The following CAMTA1 variants were observed in gnomAD, a reference collection of about 807,000 sequenced individuals.
CAMTA1 encodes the protein calmodulin binding transcription activator 1.
In CAMTA1, 27 loss-of-function variants were observed where a neutral mutation model predicts 170.9. The observed-to-expected ratio is 0.16, with a 90% CI of 0.12 to 0.22. The LOEUF (loss-of-function observed/expected upper bound fraction) is 0.22. Among genes scored for constraint, CAMTA1 ranks in the 10% least tolerant of loss-of-function variants. CAMTA1 has a pLI of 1.00. For synonymous variants in CAMTA1, 833 were observed against 891.5 expected, an observed-to-expected ratio of 0.93 and a Z score of 1.17; for missense variants, 1,619 against 2,217.2, an observed-to-expected ratio of 0.73 and a Z score of 5.42.
At chr1:6,786,565 G>A (rs547176425) in intron 1 of CAMTA1, among the ~76,000 whole-genome samples, 3 of 152,270 alleles carry the variant, frequency 2.0e-5, no homozygotes, top group Admixed American at 1.3e-4. Flanking sequence ...TGGATAGTGG[G>A]GGCTTGTGCA....
chr1:6,880,976 A>G (rs1042820184), intron 3 of CAMTA1, among the ~76,000 whole-genome samples: 3 of 152,194 alleles, frequency 2.0e-5, no homozygotes, highest in African/African-American at 7.2e-5. Flanking sequence ...GCGTGCTTAT[A>G]TATGCCAATT....
intron 3 of CAMTA1, among the ~76,000 whole-genome samples, chr1:6,867,877 T>G (rs1350064076): frequency 6.6e-6 from 1 of 152,136 alleles, no homozygotes; most frequent in East Asian, 1.9e-4. Flanking sequence ...TGGCACAGTC[T>G]CAGCTCACTG....
In CAMTA1 at chr1:7,561,588, A is replaced by G. The variant is rs1206693445; in HGVS notation, c.511-78812A>G. 6.6e-6 allele frequency among the ~76,000 whole-genome samples: 1 copy of G among 151,724 alleles called. No individual in the cohort carries two copies. Among genetic ancestry groups the G allele is most frequent in the Non-Finnish European group, 1.5e-5 (1 of 67,922 alleles). ...TGGGCTGGTTCAGGGAGGAGGGGAG[A>G]CTGTGGGCGGCTTGCGCAGCACCCT... On this transcript the variant is annotated intron_variant, in intron 6 of 22. Transcript: ENST00000303635. This position sits in a 1 kb window ranked among gnomAD's most constrained non-coding sequence, Gnocchi z 5.3.
chr1:6,785,905 G>A (rs1353626638), intron 1 of CAMTA1, among the ~76,000 whole-genome samples: 1 of 148,820 alleles, frequency 6.7e-6, no homozygotes, highest in Non-Finnish European at 1.5e-5. Flanking sequence ...TCCCCCACCC[G>A]GACCGGGCAT....
intron 5 of CAMTA1, among the ~76,000 whole-genome samples, chr1:7,416,949 C>G (rs1213352284): frequency 1.3e-5 from 2 of 152,124 alleles, no homozygotes; most frequent in South Asian, 2.1e-4. Context: ...TGTGGATGTC[C>G]TTTCTGTTTG....
intron 3 of CAMTA1, among the ~76,000 whole-genome samples, chr1:6,841,693 G>A (rs1655782443): frequency 6.6e-6 from 1 of 152,210 alleles, no homozygotes; most frequent in Non-Finnish European, 1.5e-5. Context: ...AGGGACGACT[G>A]CTGGAAGGAA....
rs529181063 is a variant in CAMTA1, at chr1:7,537,191, G to A, written c.510+69290G>A. Among the ~76,000 whole-genome samples, 5 of 152,316 alleles carry A rather than the reference G, an allele frequency of 3.3e-5. No homozygotes were observed. The South Asian group carries it at 8.3e-4, about 25-fold the overall frequency. ...AAGCAGGAGGGACGCATTGCCCCACGGTTTATGGGGCGAAGCATGATTGAG... is the reference window on the plus strand; with the variant it reads ...AAGCAGGAGGGACGCATTGCCCCACAGTTTATGGGGCGAAGCATGATTGAG... On this transcript the variant is annotated intron_variant, in intron 6 of 22. Coordinates refer to ENST00000303635, the MANE Select transcript of CAMTA1 (RefSeq NM_015215.4).
At chr1:7,480,462 T>G (rs1302714005) in intron 6 of CAMTA1, among the ~76,000 whole-genome samples, 1 of 151,854 alleles carries the variant, frequency 6.6e-6, no homozygotes. Context: ...AGTTCCCCTC[T>G]CCTCCTCTTC....
rs146453256 is a variant in CAMTA1, at chr1:7,033,257, T to C, written c.235-58047T>C. Among the ~76,000 whole-genome samples the C allele has an allele frequency of 2.9e-3, 446 of 152,328 alleles. 1 individual carries two copies. Among genetic ancestry groups the C allele is most frequent in the Non-Finnish European group, 4.7e-3 (319 of 68,030 alleles). On this transcript the variant is annotated intron_variant, in intron 3 of 22. Coordinates refer to ENST00000303635, the MANE Select transcript of CAMTA1 (RefSeq NM_015215.4). The stretch of plus-strand genomic sequence containing the variant: ...TTTCATTTCCTGTCTTTCAGTTCAC[T>C]AATATTTTCTTTAGTGGTGTCTAAT...
chr1:7,350,321 A>T (rs2084563293), intron 5 of CAMTA1, among the ~76,000 whole-genome samples: 1 of 152,122 alleles, frequency 6.6e-6, no homozygotes, highest in African/African-American at 2.4e-5. Context: ...GTTGTTTTGC[A>T]GAGAGTCCTC....
intron 3 of CAMTA1, among the ~76,000 whole-genome samples, chr1:6,940,998 T>G (rs1204948913): frequency 7.7e-5 from 1 of 12,950 alleles, no homozygotes; most frequent in African/African-American, 3.4e-4. Context: ...GGGGAGATTC[T>G]TACAGGGAAG....
intron 3 of CAMTA1, among the ~76,000 whole-genome samples, chr1:6,837,157 T>C (rs1653591880): frequency 6.6e-6 from 1 of 152,040 alleles, no homozygotes; most frequent in Non-Finnish European, 1.5e-5. Context: ...GGGGTTTCAC[T>C]GTGTTAGCCA....
chr1:7,303,562 G>A lies in CAMTA1; in HGVS notation c.438+53936G>A, dbSNP rs147690846. On this transcript the variant is annotated intron_variant, in intron 5 of 22. Transcript: ENST00000303635. The stretch of plus-strand genomic sequence containing the variant: ...TACCCTTTTGTTGGATGATTACATC[G>A]TTTCCATTGTTTCATTGATCCCACA... Among the ~76,000 whole-genome samples, 374 of 152,184 alleles carry A rather than the reference G, an allele frequency of 2.5e-3. 1 individual carries two copies. The highest frequency in any genetic ancestry group is 8.5e-3 in the African/African-American group (353 of 41,516).
chr1:7,154,404 G>C (rs534391297), intron 4 of CAMTA1, among the ~76,000 whole-genome samples: 1 of 152,198 alleles, frequency 6.6e-6, no homozygotes, highest in South Asian at 2.1e-4. Context: ...TTGTGAGGTC[G>C]ATGGGGTTTA....
intron 7 of CAMTA1, among the ~76,000 whole-genome samples, chr1:7,658,107 G>C (rs529473950): frequency 6.6e-6 from 1 of 152,280 alleles, no homozygotes; most frequent in East Asian, 1.9e-4. Context: ...GTAGCCTGAA[G>C]GCCGAAGCCA....
chr1:7,417,534 T>G (rs1294753579), intron 5 of CAMTA1, among the ~76,000 whole-genome samples: 1 of 152,216 alleles, frequency 6.6e-6, no homozygotes, highest in African/African-American at 2.4e-5. Flanking sequence ...ACTGCTGTGC[T>G]AGCAATCAGC....
At chr1:7,666,760 T>C (rs1237056352) in intron 9 of CAMTA1, among the ~76,000 whole-genome samples, 1 of 152,148 alleles carries the variant, frequency 6.6e-6, no homozygotes, top group Non-Finnish European at 1.5e-5. Context: ...AGAAAATCTG[T>C]GTACAGACAC....
intron 6 of CAMTA1, among the ~76,000 whole-genome samples, chr1:7,517,421 G>A (rs749337843): frequency 7.2e-5 from 11 of 152,180 alleles, no homozygotes; most frequent in African/African-American, 2.4e-4. Context: ...ATGGGTACAC[G>A]AATCCTGTTC....
chr1:7,420,952 G>A (rs1342524145), intron 5 of CAMTA1, among the ~76,000 whole-genome samples: 3 of 152,134 alleles, frequency 2.0e-5, no homozygotes, highest in African/African-American at 7.2e-5. Flanking sequence ...TTTGCCACAG[G>A]CCACACACCA....
Sources: gnomAD v4.1 joint callset for allele counts (sites outside exome capture counted in the v4.1 genomes callset) on GRCh38, gnomAD v4.1.1 for gene constraint, Gnocchi (gnomAD v3.1) non-coding constraint, MANE v1.5 for transcripts, NCBI Gene and HGNC (gene_info 2026-07-23, HGNC 2026-07-21) for gene names.